HIVEP3: variants seen among roughly 807,000 people sequenced by gnomAD.
HIVEP3 encodes HIVEP zinc finger 3.
Under a neutral mutation model 152.8 loss-of-function variants are expected in HIVEP3, and 49 were observed. The observed-to-expected ratio is 0.32, with a 90% CI of 0.26 to 0.41. The LOEUF (loss-of-function observed/expected upper bound fraction) is 0.41. Among genes scored for constraint, HIVEP3 ranks in the 10% least tolerant of loss-of-function variants. The pLI, the probability that HIVEP3 is intolerant of heterozygous loss-of-function variation, is 1.00. For missense variants in HIVEP3, 2,790 were observed against 3,103.3 expected (o/e 0.90, Z 2.40); for synonymous variants, 1,269 against 1,289.0 (o/e 0.98, Z 0.33).
intron 1 of HIVEP3, among the ~76,000 whole-genome samples, chr1:41,885,216 A>G (rs543693413): frequency 6.6e-6 from 1 of 152,254 alleles, no homozygotes; most frequent in African/African-American, 2.4e-5. Flanking sequence ...AGTTCTGACC[A>G]CTCAAAGTAC....
At chr1:41,561,679 A>T (rs1175567840) in intron 5 of HIVEP3, among the ~76,000 whole-genome samples, 2 of 127,084 alleles carry the variant, frequency 1.6e-5, no homozygotes, top group Non-Finnish European at 3.3e-5. Flanking sequence ...TGCCCAGCTA[A>T]TTTTTTTTTT....
chr1:41,887,167 G>A (rs183734443), intron 1 of HIVEP3, among the ~76,000 whole-genome samples: 231 of 150,826 alleles, frequency 1.5e-3, no homozygotes, highest in Non-Finnish European at 2.6e-3. Context: ...ATATGAAGAG[G>A]TGATCAAAGT....
intron 1 of HIVEP3, among the ~76,000 whole-genome samples, chr1:41,735,707 A>G (rs1646907115): frequency 6.6e-6 from 1 of 152,148 alleles, no homozygotes; most frequent in Admixed American, 6.5e-5. Context: ...CTCCTCCGTC[A>G]GCACAGGCAA....
At chr1:41,732,080 G>A (rs886574354) in intron 1 of HIVEP3, among the ~76,000 whole-genome samples, 1 of 152,196 alleles carries the variant, frequency 6.6e-6, no homozygotes, top group Non-Finnish European at 1.5e-5. Flanking sequence ...ATGTGGTGGG[G>A]AATGACAGGT....
chr1:41,686,609 G>C (rs533788931), intron 2 of HIVEP3, among the ~76,000 whole-genome samples: 2 of 152,186 alleles, frequency 1.3e-5, no homozygotes, highest in Non-Finnish European at 2.9e-5. Context: ...GTACTTCTAA[G>C]TACTGACTGG....
chr1:41,903,883 T>C (rs1644666433), intron 1 of HIVEP3, among the ~76,000 whole-genome samples: 1 of 151,668 alleles, frequency 6.6e-6, no homozygotes, highest in African/African-American at 2.4e-5. Flanking sequence ...GAGCCAGTGC[T>C]GACCATTTTC....
intron 1 of HIVEP3, among the ~76,000 whole-genome samples, chr1:41,966,475 C>CTTTTTTCTTTTTT (rs1645198222): frequency 1.0e-5 from 1 of 95,810 alleles, no homozygotes; most frequent in African/African-American, 4.1e-5. Flanking sequence ...GTGCTGTATT[C>CTTTTTTCTTTTTT]TTTTTTTTTT....
intron 5 of HIVEP3, among the ~76,000 whole-genome samples, chr1:41,527,938 T>C (rs1643055471): frequency 8.8e-6 from 1 of 113,648 alleles, no homozygotes; most frequent in East Asian, 3.0e-4. Flanking sequence ...CCTCACATGG[T>C]CACCCTCACA....
At chr1:41,818,051 A>T (rs555550939) in intron 1 of HIVEP3, among the ~76,000 whole-genome samples, 56 of 152,322 alleles carry the variant, frequency 3.7e-4, no homozygotes, top group Non-Finnish European at 3.4e-4. Flanking sequence ...GACTGGGAGA[A>T]GGCATCTGCG....
intron 2 of HIVEP3, among the ~76,000 whole-genome samples, chr1:41,631,425 C>T (rs1645193211): frequency 6.6e-6 from 1 of 152,194 alleles, no homozygotes; most frequent in African/African-American, 2.4e-5. Flanking sequence ...TGAATATTAT[C>T]TCAGAGTGGA....
At chr1:41,758,438 T>C (rs566329069) in intron 1 of HIVEP3, among the ~76,000 whole-genome samples, 1 of 152,346 alleles carries the variant, frequency 6.6e-6, no homozygotes, top group African/African-American at 2.4e-5. Context: ...GCCTATCTTA[T>C]GCACAGCCTT....
At chr1:41,749,379 G>T (rs2124220535) in intron 1 of HIVEP3, among the ~76,000 whole-genome samples, 1 of 116,230 alleles carries the variant, frequency 8.6e-6, no homozygotes, top group East Asian at 2.3e-4. Context: ...AAGGCTCTCT[G>T]GACTCTCTGA....
chr1:41,775,143 C>G (rs912228683), intron 1 of HIVEP3, among the ~76,000 whole-genome samples: 3 of 152,098 alleles, frequency 2.0e-5, no homozygotes, highest in Non-Finnish European at 4.4e-5. Flanking sequence ...ACTGAATAGC[C>G]ACATCACATT....
chr1:41,554,729 C>T (rs1643938950), intron 5 of HIVEP3, among the ~76,000 whole-genome samples: 1 of 152,174 alleles, frequency 6.6e-6, no homozygotes, highest in Non-Finnish European at 1.5e-5. Context: ...TGTTAGTTTT[C>T]CTTCTAACAG....
chr1:42,019,509 ATTG>A (rs1381503184), intron 1 of HIVEP3, among the ~76,000 whole-genome samples: 1 of 126,066 alleles, frequency 7.9e-6, no homozygotes. Context: ...TGTAAATGGT[ATTG>A]TTTTTTAAAT....
At position 41,889,436 on chromosome 1, in the gene HIVEP3, G is replaced by A. The variant is rs1378705027; in HGVS notation, c.-801+28977C>T. Among the ~76,000 whole-genome samples the A allele has an allele frequency of 2.0e-5, 3 of 152,214 alleles. No homozygotes were observed. In the East Asian group the frequency reaches 5.8e-4, roughly 29 times the overall value. ...GCCACCTCATTACCCAAAAGCCACT[G>A]CCATTCCAGACCTACGCAGAGTCTG... On this transcript the variant is annotated intron_variant, in intron 1 of 8. Coordinates refer to ENST00000372583, the MANE Select transcript of HIVEP3 (RefSeq NM_024503.5).
Position 41,664,234 on chromosome 1 carries a change from C to T in HIVEP3, c.-720-35287G>A, listed in dbSNP as rs551824009. ...TCCTCACTCCACTCCTGCCCTGCCCCCACTGTCCTGCTTCCCGTTTTCTGT... is the reference window on the plus strand; with the variant it reads ...TCCTCACTCCACTCCTGCCCTGCCCTCACTGTCCTGCTTCCCGTTTTCTGT... On this transcript the variant is annotated intron_variant, in intron 2 of 8. Coordinates refer to ENST00000372583, the MANE Select transcript of HIVEP3 (RefSeq NM_024503.5). The surrounding 1 kb of genome is among the most constrained non-coding windows in gnomAD (Gnocchi z 4.4). Among the ~76,000 whole-genome samples the T allele has an allele frequency of 1.1e-3, 174 of 152,346 alleles. No individual in the cohort carries two copies. The highest frequency in any genetic ancestry group is 4.1e-3 in the African/African-American group (170 of 41,574).
At chr1:41,536,695 TCA>T in intron 5 of HIVEP3, among the ~76,000 whole-genome samples, 1 of 152,238 alleles carries the variant, frequency 6.6e-6, no homozygotes, top group Non-Finnish European at 1.5e-5. Context: ...AACCACAGAT[TCA>T]GATTTTTAAA....
chr1:41,529,720 C>T (rs901298263), intron 5 of HIVEP3, among the ~76,000 whole-genome samples: 1 of 145,350 alleles, frequency 6.9e-6, no homozygotes, highest in South Asian at 2.3e-4. Flanking sequence ...CCCATATTTA[C>T]ACATACACAC....
Sources: allele counts gnomAD v4.1 joint callset (sites outside exome capture counted in the v4.1 genomes callset), GRCh38; gene constraint gnomAD v4.1.1; non-coding constraint Gnocchi (gnomAD v3.1); transcripts MANE v1.5; gene names NCBI Gene and HGNC (gene_info 2026-07-23, HGNC 2026-07-21).